Variants in CLPB observed in about 807,000 individuals in gnomAD.
The protein encoded by CLPB is ClpB family mitochondrial disaggregase.
Under a neutral mutation model 78.4 loss-of-function variants are expected in CLPB, and 40 were observed. The observed-to-expected ratio is 0.51, with a 90% CI of 0.40 to 0.66. The LOEUF (loss-of-function observed/expected upper bound fraction) is 0.66. CLPB is among the 30% of genes least tolerant of loss of function. CLPB has a pLI of 0.00. For missense variants in CLPB, 780 were observed against 886.9 expected (o/e 0.88, Z 1.53); for synonymous variants, 333 against 348.0 (o/e 0.96, Z 0.48).
At chr11:72,391,664 CG>C (rs1334697083) in intron 3 of CLPB, among the ~76,000 whole-genome samples, 4 of 152,142 alleles carry the variant, frequency 2.6e-5, no homozygotes, top group Non-Finnish European at 5.9e-5. Flanking sequence ...AACTAGGCTG[CG>C]GGTGGTTTAG....
At chr11:72,424,916 C>CA (rs936178645) in intron 2 of CLPB, among the ~76,000 whole-genome samples, 8 of 150,614 alleles carry the variant, frequency 5.3e-5, no homozygotes, top group South Asian at 2.1e-4. Flanking sequence ...AAAAAAAACA[C>CA]AAAAAAAAAC....
intron 5 of CLPB, among the ~76,000 whole-genome samples, chr11:72,338,243 C>T (rs1441420083): frequency 6.6e-6 from 1 of 152,180 alleles, no homozygotes; most frequent in Non-Finnish European, 1.5e-5. Context: ...CCCCCTGGTA[C>T]AAGGGAGCTA....
rs117640686 is a variant in CLPB at position 72,428,275 on chromosome 11, G to A, written c.455+2037C>T. ...CTGAAACAGAAACAGCCTCTTAACA[G>A]ATCGGCCCTCAGCCTTTTCCCAATG... On this transcript the variant is annotated intron_variant, in intron 2 of 15. Coordinates refer to ENST00000538039, the MANE Select transcript of CLPB (RefSeq NM_001258392.3). 3.3e-3 allele frequency among the ~76,000 whole-genome samples: 498 copies of A among 152,254 alleles called. 5 individuals carry two copies. The highest frequency in any genetic ancestry group is 0.022 in the East Asian group (114 of 5,184).
At position 72,294,462 on chromosome 11, in the gene CLPB, G is replaced by C. The variant is rs754999129; in HGVS notation, c.1561-18C>G. The stretch of plus-strand genomic sequence containing the variant: ...AAGTGAGCCTGAAGGGCCAGGTTAG[G>C]GGTGGGATGAGCTCAGTGACCCAGA... On this transcript the variant is annotated intron_variant, in intron 13 of 15. Coordinates refer to ENST00000538039, the MANE Select transcript of CLPB (RefSeq NM_001258392.3). 3.1e-6 allele frequency: 5 copies of C among 1,613,956 alleles called. No individual in the cohort carries two copies. The Admixed American group carries it at 6.7e-5, about 22-fold the overall frequency.
chr11:72,392,237 G>A (rs1270200559), intron 3 of CLPB, among the ~76,000 whole-genome samples: 3 of 152,046 alleles, frequency 2.0e-5, no homozygotes, highest in Non-Finnish European at 4.4e-5. Flanking sequence ...TGTGATGAGT[G>A]TCACGGGTCC....
intron 4 of CLPB, among the ~76,000 whole-genome samples, chr11:72,370,351 A>C (rs1448446648): frequency 6.6e-6 from 1 of 152,180 alleles, no homozygotes; most frequent in African/African-American, 2.4e-5. Context: ...GAGGGCTAAA[A>C]GGATGGAAAT....
chr11:72,348,483 G>C (rs568501527), intron 5 of CLPB, among the ~76,000 whole-genome samples: 1 of 152,096 alleles, frequency 6.6e-6, no homozygotes, highest in Non-Finnish European at 1.5e-5. Context: ...GGCTCCTGTG[G>C]ACAGCTCCTG....
chr11:72,344,605 C>T lies in CLPB; in HGVS notation c.775+14275G>A, dbSNP rs796171762. On this transcript the variant is annotated intron_variant, in intron 5 of 15. Coordinates refer to ENST00000538039, the MANE Select transcript of CLPB (RefSeq NM_001258392.3). ...TCTTTTCCAAGTTATTGAGTGTCAC[C>T]GAAGCCCGAGTCCTCAGCCCTTATT... is the stretch of plus-strand genomic sequence containing the variant. Among the ~76,000 whole-genome samples the T allele has an allele frequency of 1.2e-4, 18 of 152,162 alleles. No individual in the cohort carries two copies. The East Asian group carries it at 1.4e-3, about 11-fold the overall frequency.
intron 11 of CLPB, among the ~76,000 whole-genome samples, chr11:72,297,702 T>TGTGTGTGTGTGTGTGTGTGTGTGA (rs1464583884): frequency 7.7e-6 from 1 of 129,658 alleles, no homozygotes. Context: ...TGTGTGTGTG[T>TGTGTGTGTGTGTGTGTGTGTGTGA]GACATGTCCA....
At chr11:72,427,693 T>C (rs1452844695) in intron 2 of CLPB, among the ~76,000 whole-genome samples, 1 of 152,160 alleles carries the variant, frequency 6.6e-6, no homozygotes, top group Admixed American at 6.5e-5. Context: ...GGCTATACCA[T>C]ATAGATTAGG....
chr11:72,424,336 C>T (rs1856301664), intron 2 of CLPB, among the ~76,000 whole-genome samples: 2 of 152,178 alleles, frequency 1.3e-5, no homozygotes, highest in African/African-American at 4.8e-5. Context: ...TCTTTTCTAC[C>T]CTGTAGTTTC....
intron 4 of CLPB, among the ~76,000 whole-genome samples, chr11:72,369,928 G>GT (rs148535384): frequency 8.5e-5 from 13 of 152,184 alleles, no homozygotes; most frequent in African/African-American, 2.4e-4. Flanking sequence ...TTATTGTTGG[G>GT]TTTTTTTCCC....
At chr11:72,374,127 G>C (rs1437231536) in intron 4 of CLPB, among the ~76,000 whole-genome samples, 1 of 152,160 alleles carries the variant, frequency 6.6e-6, no homozygotes, top group East Asian at 1.9e-4. Context: ...CATCTCAGCT[G>C]TTAGTACCCC....
chr11:72,399,768 C>CT (rs1347275068), intron 3 of CLPB, among the ~76,000 whole-genome samples: 1 of 152,184 alleles, frequency 6.6e-6, no homozygotes. Context: ...CAAGGGTGCT[C>CT]CCCCTCTATC....
intron 7 of CLPB, among the ~76,000 whole-genome samples, chr11:72,316,624 T>G (rs907960620): frequency 6.6e-6 from 1 of 152,114 alleles, no homozygotes; most frequent in Admixed American, 6.5e-5. Flanking sequence ...GCTCAGGATA[T>G]TTTCTATAAA....
At chr11:72,370,145 A>T (rs1951017245) in intron 4 of CLPB, among the ~76,000 whole-genome samples, 1 of 152,174 alleles carries the variant, frequency 6.6e-6, no homozygotes, top group Non-Finnish European at 1.5e-5. Flanking sequence ...CCCGTCCCTG[A>T]TTTGGAACTT....
Position 72,430,320 on chromosome 11 carries a change from T to C in CLPB, c.447A>G (p.Glu149=), listed in dbSNP as rs1856508277. 6.2e-7 allele frequency: 1 copy of C among 1,613,254 alleles called. No homozygotes were observed. The highest frequency in any genetic ancestry group is 1.1e-5 in the South Asian group (1 of 90,712). The change falls in exon 2 of 16, where the codon GAA becomes GAG. Residue 149 remains glutamate (E), a synonymous_variant. Coordinates refer to ENST00000538039, the MANE Select transcript of CLPB (RefSeq NM_001258392.3). ...CCTGGGGTTCAACTCACCTGCTGAC[T>C]TCTTGCATATTGTTGGCACGGGCAG... is the stretch of plus-strand genomic sequence containing the variant. ...LEAARANNMQ[E]VSRLLSEGAD...
chr11:72,348,284 C>A (rs1950550553), intron 5 of CLPB, among the ~76,000 whole-genome samples: 1 of 152,166 alleles, frequency 6.6e-6, no homozygotes, highest in African/African-American at 2.4e-5. Context: ...AAGTAAAAAT[C>A]ACAATGGTCA....
At chr11:72,294,295 C>G (rs753352041) in intron 14 of CLPB, 30 bp downstream of exon 14, 1 of 1,614,122 alleles carries the variant, frequency 6.2e-7, no homozygotes, top group Admixed American at 1.7e-5. Flanking sequence ...CTGGCTATCC[C>G]GCCCCCACCC....
Sources: allele counts gnomAD v4.1 joint callset (sites outside exome capture counted in the v4.1 genomes callset), GRCh38; gene constraint gnomAD v4.1.1; transcripts MANE v1.5; gene names NCBI Gene and HGNC (gene_info 2026-07-23, HGNC 2026-07-21).